The following STXBP5L variants were observed in gnomAD, a reference collection of about 807,000 sequenced individuals.
The protein encoded by STXBP5L is syntaxin binding protein 5L.
STXBP5L carries 65 observed loss-of-function variants against 144.5 expected under a neutral mutation model. The observed-to-expected ratio is 0.45, with a 90% CI of 0.37 to 0.55. The LOEUF (loss-of-function observed/expected upper bound fraction) is 0.55, where lower values mean the gene tolerates loss of function less well. STXBP5L is among the 20% of genes least tolerant of loss of function. STXBP5L has a pLI of 0.00. For synonymous variants in STXBP5L, 505 were observed against 469.6 expected (o/e 1.08, Z -0.97); for missense variants, 1,298 against 1,405.5 (o/e 0.92, Z 1.22).
chr3:121,192,406 T>G (rs1016331573), intron 9 of STXBP5L, among the ~76,000 whole-genome samples: 1 of 152,116 alleles, frequency 6.6e-6, no homozygotes, highest in Non-Finnish European at 1.5e-5. Flanking sequence ...CCAAGTTAAT[T>G]TATAGATTCA....
chr3:120,908,495 C>T (rs866361073), intron 1 of STXBP5L, among the ~76,000 whole-genome samples, 161 bp downstream of exon 1: 4 of 152,012 alleles, frequency 2.6e-5, no homozygotes, highest in South Asian at 4.1e-4. Flanking sequence ...GCGAGCGCAC[C>T]AGCGCGCGAA....
chr3:121,057,983 A>T (rs1035293734), intron 5 of STXBP5L, among the ~76,000 whole-genome samples: 21 of 151,594 alleles, frequency 1.4e-4, no homozygotes, highest in East Asian at 5.8e-4. Context: ...TTTTTTAAAA[A>T]TTTTTTATTA....
rs190425855 is a variant in STXBP5L, at chr3:121,053,444, T to G, written c.470+7909T>G. Among the ~76,000 whole-genome samples the G allele has an allele frequency of 6.6e-3, 1,003 of 152,302 alleles. 4 individuals carry two copies. Among genetic ancestry groups the G allele is most frequent in the Non-Finnish European group, 0.01 (702 of 68,034 alleles). ...GCCCTCAGAAATAATTCTGCATATC[T>G]ACAACCATCTGATCTTTGCCAAACC... On this transcript the variant is annotated intron_variant, in intron 5 of 26. Coordinates refer to ENST00000471454, the MANE Select transcript of STXBP5L (RefSeq NM_001308330.2).
At chr3:121,078,517 C>T (rs548121721) in intron 5 of STXBP5L, among the ~76,000 whole-genome samples, 13 of 152,374 alleles carry the variant, frequency 8.5e-5, no homozygotes, top group South Asian at 2.1e-4. Context: ...CTGCCAGTCC[C>T]GTGCCATGCG....
chr3:120,983,046 G>A (rs189695025), intron 3 of STXBP5L, among the ~76,000 whole-genome samples: 6 of 152,204 alleles, frequency 3.9e-5, no homozygotes, highest in Non-Finnish European at 8.8e-5. Context: ...GTGGAGGCAG[G>A]CAGCTGTGAT....
chr3:121,089,112 AAAAAAAG>A (rs2042645675), intron 5 of STXBP5L, among the ~76,000 whole-genome samples: 2 of 113,518 alleles, frequency 1.8e-5, no homozygotes, highest in African/African-American at 7.1e-5. Context: ...AAAAAAAAAA[AAAAAAAG>A]AAGCTCCAAG....
intron 10 of STXBP5L, among the ~76,000 whole-genome samples, chr3:121,215,608 G>T (rs1374607494): frequency 1.3e-5 from 2 of 152,058 alleles, no homozygotes; most frequent in Non-Finnish European, 1.5e-5. Context: ...TAGGTAACCC[G>T]ACCTTTCTCT....
At chr3:121,310,216 T>C (rs1320314275) in intron 19 of STXBP5L, among the ~76,000 whole-genome samples, 1 of 152,312 alleles carries the variant, frequency 6.6e-6, no homozygotes, top group Admixed American at 6.5e-5. Flanking sequence ...TGATCATAGG[T>C]TTGGCACTGA....
intron 5 of STXBP5L, among the ~76,000 whole-genome samples, chr3:121,102,231 C>A (rs1459197826): frequency 6.6e-6 from 1 of 152,048 alleles, no homozygotes; most frequent in South Asian, 2.1e-4. Flanking sequence ...CATGTGGAAC[C>A]AAAATAGAGC....
intron 3 of STXBP5L, among the ~76,000 whole-genome samples, chr3:121,033,805 T>C (rs992097094): frequency 6.6e-6 from 1 of 151,940 alleles, no homozygotes; most frequent in East Asian, 1.9e-4. Context: ...TGAACATTTG[T>C]TATAATTATA....
At chr3:121,289,742 A>C (rs338994) in intron 19 of STXBP5L, among the ~76,000 whole-genome samples, 119,660 of 152,058 alleles carry the variant, frequency 0.79, 47,307 homozygotes, top group East Asian at 0.93. Context: ...ACAGTGGAAT[A>C]AACTCCAAAA....
rs549871421 is a variant in STXBP5L, at chr3:121,065,257, A to G, written c.470+19722A>G. On this transcript the variant is annotated intron_variant, in intron 5 of 26. Coordinates refer to ENST00000471454, the MANE Select transcript of STXBP5L (RefSeq NM_001308330.2). The stretch of plus-strand genomic sequence containing the variant: ...TTTATTTTCCTTTGGGTATATACCC[A>G]GTAATGGGATTGCTGGGTCAAATGT... Among the ~76,000 whole-genome samples the G allele has an allele frequency of 1.2e-4, 19 of 152,340 alleles. No individual in the cohort carries two copies. In the East Asian group the frequency reaches 3.1e-3, roughly 25 times the overall value.
intron 21 of STXBP5L, 50 bp downstream of exon 21, chr3:121,378,936 A>G (rs759380250): frequency 6.4e-7 from 1 of 1,559,162 alleles, no homozygotes; most frequent in Non-Finnish European, 8.7e-7. Context: ...TTTGGTTTAC[A>G]ATGGTAATGG....
At chr3:121,017,325 G>A (rs956330032) in intron 3 of STXBP5L, among the ~76,000 whole-genome samples, 10 of 152,250 alleles carry the variant, frequency 6.6e-5, no homozygotes, top group Admixed American at 2.0e-4. Context: ...AGAACCTACA[G>A]CAACATTATA....
At chr3:121,015,016 G>C (rs1386348944) in intron 3 of STXBP5L, among the ~76,000 whole-genome samples, 1 of 152,026 alleles carries the variant, frequency 6.6e-6, no homozygotes, top group Non-Finnish European at 1.5e-5. Flanking sequence ...AATTATAGAA[G>C]ACTGAAATCA....
chr3:121,375,177 A>T (rs927127450), intron 20 of STXBP5L, among the ~76,000 whole-genome samples: 1 of 152,166 alleles, frequency 6.6e-6, no homozygotes, highest in Non-Finnish European at 1.5e-5. Flanking sequence ...ATTTATACCA[A>T]AAAAAGAAAA....
intron 9 of STXBP5L, among the ~76,000 whole-genome samples, chr3:121,203,392 TCACTC>T (rs1353877581): frequency 6.6e-6 from 1 of 152,200 alleles, no homozygotes; most frequent in African/African-American, 2.4e-5. Flanking sequence ...TTTATGCTTA[TCACTC>T]ATTTCATTAT....
At chr3:121,418,601 C>T in intron 26 of STXBP5L, 44 bp downstream of exon 26, 1 of 1,578,926 alleles carries the variant, frequency 6.3e-7, no homozygotes, top group Non-Finnish European at 8.7e-7. Flanking sequence ...ACAGGAGTAA[C>T]TTTAAACATT....
intron 9 of STXBP5L, among the ~76,000 whole-genome samples, chr3:121,183,425 G>A (rs2047237426): frequency 6.6e-6 from 1 of 152,110 alleles, no homozygotes; most frequent in Non-Finnish European, 1.5e-5. Context: ...TCCTAGATTT[G>A]ATAAATGAAT....
Sources: allele counts gnomAD v4.1 joint callset (sites outside exome capture counted in the v4.1 genomes callset), GRCh38; gene constraint gnomAD v4.1.1; transcripts MANE v1.5; gene names NCBI Gene and HGNC (gene_info 2026-07-23, HGNC 2026-07-21).